Variants in FAM13A observed in about 807,000 individuals in gnomAD.
FAM13A encodes protein FAM13A.
A neutral mutation model predicts 129.6 loss-of-function variants in FAM13A; 76 were observed. That is an observed-to-expected ratio of 0.59 (90% CI 0.49 to 0.71). The LOEUF (loss-of-function observed/expected upper bound fraction) is 0.71. FAM13A is among the 30% of genes least tolerant of loss of function. The probability of loss-of-function intolerance (pLI) is 0.00; values close to 1 mark genes in which losing one functional copy is unlikely to be tolerated. For synonymous variants in FAM13A, 443 were observed against 449.9 expected (o/e 0.98, Z 0.20); for missense variants, 1,108 against 1,249.3 (o/e 0.89, Z 1.70).
chr4:88,892,100 G>A (rs1426534047), intron 6 of FAM13A, among the ~76,000 whole-genome samples: 2 of 151,804 alleles, frequency 1.3e-5, no homozygotes, highest in Non-Finnish European at 2.9e-5. Flanking sequence ...TTTAAACTCA[G>A]GAGGCTGAGG....
intron 4 of FAM13A, among the ~76,000 whole-genome samples, chr4:88,984,700 C>T (rs746994130): frequency 6.6e-6 from 1 of 152,076 alleles, no homozygotes; most frequent in Non-Finnish European, 1.5e-5. Context: ...TCTTTCTCTT[C>T]ATATATTTTT....
At chr4:88,918,838 C>T (rs1750537947) in intron 5 of FAM13A, among the ~76,000 whole-genome samples, 1 of 152,190 alleles carries the variant, frequency 6.6e-6, no homozygotes, top group African/African-American at 2.4e-5. Context: ...AGCCTCTCTT[C>T]CAGTTAGATT....
At chr4:88,930,034 C>T (rs1414401192) in intron 5 of FAM13A, among the ~76,000 whole-genome samples, 2 of 150,814 alleles carry the variant, frequency 1.3e-5, no homozygotes, top group Non-Finnish European at 3.0e-5. Context: ...CCACCGAGCT[C>T]ATTTTTTTTT....
intron 20 of FAM13A, 68 bp downstream of exon 20, chr4:88,738,962 A>T: frequency 2.0e-4 from 150 of 766,694 alleles, no homozygotes; most frequent in Non-Finnish European, 3.3e-4. Context: ...TTAGGGCCCT[A>T]TTCATATATC....
At chr4:88,822,345 CG>C (rs935310728) in intron 7 of FAM13A, among the ~76,000 whole-genome samples, 2 of 151,486 alleles carry the variant, frequency 1.3e-5, no homozygotes, top group African/African-American at 4.9e-5. Flanking sequence ...ATAACTCCTT[CG>C]CCTCCCCCCA....
intron 3 of FAM13A, among the ~76,000 whole-genome samples, chr4:88,997,301 T>C (rs186216583): frequency 9.2e-5 from 14 of 152,334 alleles, no homozygotes; most frequent in African/African-American, 3.4e-4. Context: ...TTCTTTGACA[T>C]CAATCTTAGG....
chr4:89,006,462 G>A (rs1044950878), intron 3 of FAM13A, among the ~76,000 whole-genome samples: 3 of 152,198 alleles, frequency 2.0e-5, no homozygotes, highest in African/African-American at 7.2e-5. Flanking sequence ...ACTTGCAACA[G>A]GGGTGTGGCT....
intron 14 of FAM13A, among the ~76,000 whole-genome samples, chr4:88,756,673 T>C (rs1743712204): frequency 1.3e-5 from 2 of 152,216 alleles, no homozygotes; most frequent in African/African-American, 2.4e-5. Flanking sequence ...GTTTATTCCT[T>C]ACTGGAAAGA....
At chr4:89,013,496 C>T (rs1389951262) in intron 3 of FAM13A, among the ~76,000 whole-genome samples, 2 of 100,752 alleles carry the variant, frequency 2.0e-5, no homozygotes, top group East Asian at 5.5e-4. Context: ...TGCTCAATTA[C>T]AGTCATGCAC....
At chr4:88,971,193 G>C (rs1300709259) in intron 4 of FAM13A, among the ~76,000 whole-genome samples, 1 of 152,162 alleles carries the variant, frequency 6.6e-6, no homozygotes, top group Non-Finnish European at 1.5e-5. Flanking sequence ...ACTCCAGCCT[G>C]GGCGACAGAG....
intron 6 of FAM13A, among the ~76,000 whole-genome samples, chr4:88,880,830 C>T (rs911857876): frequency 4.4e-5 from 6 of 135,066 alleles, no homozygotes; most frequent in African/African-American, 1.7e-4. Context: ...TTTTGGGCTG[C>T]GTGGGAGGTG....
chr4:89,024,723 C>A (rs1225738368), intron 2 of FAM13A, among the ~76,000 whole-genome samples: 2 of 152,048 alleles, frequency 1.3e-5, no homozygotes, highest in African/African-American at 4.8e-5. Context: ...TTTATACTAC[C>A]CTTCAAACTT....
chr4:89,017,775 G>C (rs974628160), intron 3 of FAM13A, among the ~76,000 whole-genome samples: 2 of 152,056 alleles, frequency 1.3e-5, no homozygotes, highest in Non-Finnish European at 2.9e-5. Flanking sequence ...TTTCCAAATA[G>C]GAGGAATTGT....
chr4:88,882,571 C>T (rs1209044751), intron 6 of FAM13A, among the ~76,000 whole-genome samples: 1 of 151,308 alleles, frequency 6.6e-6, no homozygotes, highest in Non-Finnish European at 1.5e-5. Context: ...GCATAAATCT[C>T]ATACCACCTA....
chr4:88,808,993 G>GAC (rs1190717639), intron 7 of FAM13A, among the ~76,000 whole-genome samples: 1 of 152,024 alleles, frequency 6.6e-6, no homozygotes, highest in Non-Finnish European at 1.5e-5. Context: ...TTTTAGCAGA[G>GAC]TCCTGTCTAA....
At chr4:88,853,439 C>A (rs762977582) in intron 6 of FAM13A, among the ~76,000 whole-genome samples, 1 of 151,834 alleles carries the variant, frequency 6.6e-6, no homozygotes, top group Admixed American at 6.6e-5. Context: ...TAAAAATATA[C>A]GCTGTTATAT....
At chr4:88,966,844 G>T (rs1393004902) in intron 4 of FAM13A, among the ~76,000 whole-genome samples, 2 of 152,150 alleles carry the variant, frequency 1.3e-5, no homozygotes, top group African/African-American at 4.8e-5. Flanking sequence ...AACTAGGATG[G>T]AGACATTTAA....
chr4:88,820,621 C>A (rs1731708839), intron 7 of FAM13A, among the ~76,000 whole-genome samples: 1 of 152,184 alleles, frequency 6.6e-6, no homozygotes, highest in Admixed American at 6.5e-5. Context: ...CCAGCTGTCA[C>A]TAGCTTTATA....
At chr4:88,941,796 G>T (rs950551035) in intron 4 of FAM13A, among the ~76,000 whole-genome samples, 1 of 152,116 alleles carries the variant, frequency 6.6e-6, no homozygotes, top group Non-Finnish European at 1.5e-5. Flanking sequence ...GGCTTTTGGG[G>T]TACCAACAGG....
Sources: allele counts gnomAD v4.1 joint callset (sites outside exome capture counted in the v4.1 genomes callset), GRCh38; gene constraint gnomAD v4.1.1; transcripts MANE v1.5; gene names NCBI Gene and HGNC (gene_info 2026-07-23, HGNC 2026-07-21).